SPOCK3: variants seen among roughly 807,000 people sequenced by gnomAD.
The protein encoded by SPOCK3 is testican-3.
Under a neutral mutation model 56.6 loss-of-function variants are expected in SPOCK3, and 30 were observed. The observed-to-expected ratio is 0.53, with a 90% confidence interval of 0.40 to 0.72. The LOEUF (loss-of-function observed/expected upper bound fraction) is 0.72. Among genes scored for constraint, SPOCK3 ranks in the 30% least tolerant of loss-of-function variants. The pLI, the probability that SPOCK3 is intolerant of heterozygous loss-of-function variation, is 0.00. For missense variants in SPOCK3, 527 were observed against 530.0 expected, an observed-to-expected ratio of 0.99 and a Z score of 0.06; for synonymous variants, 196 against 183.3, an observed-to-expected ratio of 1.07 and a Z score of -0.56.
chr4:167,214,232 A>G (rs1735148414), intron 2 of SPOCK3, among the ~76,000 whole-genome samples: 3 of 152,140 alleles, frequency 2.0e-5, no homozygotes, highest in Non-Finnish European at 4.4e-5. Flanking sequence ...TCAGAATTGT[A>G]TTTGTTGTTA....
chr4:166,981,017 C>T (rs1746511605), intron 4 of SPOCK3, among the ~76,000 whole-genome samples: 1 of 152,210 alleles, frequency 6.6e-6, no homozygotes, highest in Admixed American at 6.5e-5. Context: ...GAATGAGGTA[C>T]ATGGACAACT....
chr4:166,962,636 A>G (rs539479376), intron 4 of SPOCK3, among the ~76,000 whole-genome samples: 1 of 152,238 alleles, frequency 6.6e-6, no homozygotes, highest in East Asian at 1.9e-4. Flanking sequence ...AAATTCTAGA[A>G]TATTATCTTG....
At chr4:166,979,267 T>C (rs1746321556) in intron 4 of SPOCK3, among the ~76,000 whole-genome samples, 1 of 152,044 alleles carries the variant, frequency 6.6e-6, no homozygotes, top group African/African-American at 2.4e-5. Context: ...CTTCTCATTG[T>C]CTCAAAGACT....
chr4:166,898,307 A>C lies in SPOCK3; in HGVS notation c.475-9063T>G, dbSNP rs372595408. Among the ~76,000 whole-genome samples the C allele has an allele frequency of 7.4e-4, 113 of 152,100 alleles. 1 individual carries two copies. In the South Asian group the frequency reaches 0.022, roughly 30 times the overall value. ...CACTAACCTCTGGGCAGGGGGAGGA[A>C]GGGTTGTTATCTTGACAATGGGCTC... On this transcript the variant is annotated intron_variant, in intron 5 of 10. Coordinates refer to ENST00000357545, the MANE Select transcript of SPOCK3 (RefSeq NM_001040159.2).
At chr4:166,771,644 A>G (rs1738944746) in intron 7 of SPOCK3, among the ~76,000 whole-genome samples, 1 of 152,074 alleles carries the variant, frequency 6.6e-6, no homozygotes, top group South Asian at 2.1e-4. Flanking sequence ...TAATGTGCCT[A>G]AATGTCATTA....
intron 2 of SPOCK3, among the ~76,000 whole-genome samples, chr4:167,202,384 A>T (rs572460264): frequency 9.1e-4 from 138 of 152,120 alleles, no homozygotes; most frequent in Non-Finnish European, 1.6e-3. Flanking sequence ...GAAAGAAAAA[A>T]TAGATTGTCT....
chr4:166,748,978 C>G (rs936266308), intron 8 of SPOCK3, among the ~76,000 whole-genome samples: 11 of 137,090 alleles, frequency 8.0e-5, no homozygotes, highest in Non-Finnish European at 1.7e-4. Flanking sequence ...ATTAAAAAGT[C>G]AGGAAACAAC....
intron 6 of SPOCK3, among the ~76,000 whole-genome samples, chr4:166,841,199 A>T (rs1747260498): frequency 6.6e-6 from 1 of 152,162 alleles, no homozygotes; most frequent in South Asian, 2.1e-4. Context: ...CACGCTAGAA[A>T]CGTGGGTGCA....
chr4:166,900,101 C>T (rs10019607), intron 5 of SPOCK3, among the ~76,000 whole-genome samples: 16,294 of 152,190 alleles, frequency 0.11, 913 homozygotes, highest in African/African-American at 0.13. Flanking sequence ...GAGCTACAAA[C>T]CTCTATTGAG....
At chr4:167,117,530 C>T (rs575772170) in intron 2 of SPOCK3, among the ~76,000 whole-genome samples, 1 of 152,282 alleles carries the variant, frequency 6.6e-6, no homozygotes, top group Admixed American at 6.5e-5. Context: ...GTACACAGAC[C>T]TTCATGAAGA....
At chr4:167,183,112 G>A (rs1236036817) in intron 2 of SPOCK3, among the ~76,000 whole-genome samples, 1 of 152,038 alleles carries the variant, frequency 6.6e-6, no homozygotes, top group African/African-American at 2.4e-5. Flanking sequence ...GACAGTTAGA[G>A]AATATGGAAC....
At chr4:166,807,231 G>T (rs1438534088) in intron 6 of SPOCK3, among the ~76,000 whole-genome samples, 1 of 151,770 alleles carries the variant, frequency 6.6e-6, no homozygotes, top group Non-Finnish European at 1.5e-5. Context: ...CAGCTGGCTT[G>T]GAGAACAGAA....
At chr4:166,995,241 A>ATG (rs1267187997) in intron 4 of SPOCK3, among the ~76,000 whole-genome samples, 5 of 80,174 alleles carry the variant, frequency 6.2e-5, no homozygotes, top group African/African-American at 1.3e-4. Flanking sequence ...ATATGCATGT[A>ATG]TGTATGTATG....
intron 6 of SPOCK3, among the ~76,000 whole-genome samples, chr4:166,887,965 C>T (rs1008642118): frequency 2.0e-5 from 3 of 151,672 alleles, no homozygotes; most frequent in Non-Finnish European, 4.4e-5. Context: ...ACTAATTTAC[C>T]ATTAATTTTC....
intron 4 of SPOCK3, among the ~76,000 whole-genome samples, chr4:166,941,658 G>A (rs537922644): frequency 1.6e-4 from 24 of 152,264 alleles, no homozygotes; most frequent in Admixed American, 4.6e-4. Flanking sequence ...GAAGACAATC[G>A]TGTTGAAATG....
Position 167,142,835 on chromosome 4 carries a change from T to A in SPOCK3, c.190-80298A>T, listed in dbSNP as rs556773007. On this transcript the variant is annotated intron_variant, in intron 2 of 10. Coordinates refer to ENST00000357545, the MANE Select transcript of SPOCK3 (RefSeq NM_001040159.2). ...TACTAATATAAATTCTTTTTTAATA[T>A]TTTTGATTTAGTGAAAATATTAGCT... Among the ~76,000 whole-genome samples, 21 of 152,160 alleles carry A rather than the reference T, an allele frequency of 1.4e-4. 1 individual carries two copies. The highest frequency in any genetic ancestry group is 3.3e-4 in the Admixed American group (5 of 15,236).
At chr4:166,743,235 A>G (rs1198244108) in intron 8 of SPOCK3, among the ~76,000 whole-genome samples, 1 of 152,096 alleles carries the variant, frequency 6.6e-6, no homozygotes, top group Non-Finnish European at 1.5e-5. Context: ...AAACTGCAAA[A>G]TAATATACTA....
chr4:166,905,928 C>A (rs1736559514), intron 5 of SPOCK3, among the ~76,000 whole-genome samples: 1 of 151,780 alleles, frequency 6.6e-6, no homozygotes, highest in South Asian at 2.1e-4. Context: ...AAATTCTATA[C>A]TGAAAATTAC....
At chr4:166,913,104 G>A (rs909449572) in intron 4 of SPOCK3, among the ~76,000 whole-genome samples, 1 of 152,024 alleles carries the variant, frequency 6.6e-6, no homozygotes, top group Non-Finnish European at 1.5e-5. Flanking sequence ...CCATCCTCAT[G>A]TTCCATTAGG....
Sources: allele counts gnomAD v4.1 joint callset (sites outside exome capture counted in the v4.1 genomes callset), GRCh38; gene constraint gnomAD v4.1.1; transcripts MANE v1.5; gene names NCBI Gene and HGNC (gene_info 2026-07-23, HGNC 2026-07-21).